COL4A4: variants seen among roughly 807,000 people sequenced by gnomAD.
COL4A4 encodes collagen type IV alpha 4 chain, also known as collagen alpha-4(IV) chain.
In COL4A4, 105 loss-of-function variants were observed where a neutral mutation model predicts 192.9. That is an observed-to-expected ratio of 0.54 (90% CI 0.46 to 0.64). The LOEUF is 0.64. Ranked by LOEUF, COL4A4 falls within the 30% of genes least tolerant of loss-of-function variation. COL4A4 has a pLI of 0.00. For missense variants in COL4A4, 1,967 were observed against 2,169.3 expected (o/e 0.91, Z 1.85); for synonymous variants, 762 against 769.9 (o/e 0.99, Z 0.17).
intron 46 of COL4A4, among the ~76,000 whole-genome samples, chr2:227,010,032 A>C (rs956767807): frequency 1.3e-5 from 2 of 152,220 alleles, no homozygotes; most frequent in Non-Finnish European, 2.9e-5. Flanking sequence ...CTGAGGAAGA[A>C]TCATTTTTAT....
intron 2 of COL4A4, among the ~76,000 whole-genome samples, chr2:227,146,800 C>T (rs919174388): frequency 1.3e-5 from 2 of 152,208 alleles, no homozygotes; most frequent in South Asian, 2.1e-4. Context: ...TGCTGCATCC[C>T]GCTGGCCTCT....
the COL4A4 span, among the ~76,000 whole-genome samples, chr2:226,981,802 AC>A: frequency 6.6e-6 from 1 of 152,168 alleles, no homozygotes; most frequent in South Asian, 2.1e-4. Flanking sequence ...GCTAACTCTG[AC>A]CCACATAAGA....
chr2:227,062,453 T>G, intron 26 of COL4A4, 77 bp downstream of exon 26: 1 of 923,762 alleles, frequency 1.1e-6, no homozygotes, highest in South Asian at 1.4e-5. Context: ...GGATTCACTC[T>G]TGGTTTATCT....
chr2:226,993,177 A>G, the COL4A4 span, among the ~76,000 whole-genome samples: 2 of 152,142 alleles, frequency 1.3e-5, no homozygotes, highest in African/African-American at 4.8e-5. Context: ...AGTTCCCTTC[A>G]TGGAAATTAT....
chr2:227,043,754 G>A (rs116437302), intron 35 of COL4A4, among the ~76,000 whole-genome samples: 1,691 of 152,252 alleles, frequency 0.011, 20 homozygotes, highest in African/African-American at 0.039. Flanking sequence ...ACATCACACC[G>A]TAGTGTAATT....
chr2:227,156,091 G>C (rs2064318314), intron 1 of COL4A4, among the ~76,000 whole-genome samples: 1 of 151,840 alleles, frequency 6.6e-6, no homozygotes, highest in East Asian at 1.9e-4. Context: ...CAATACATTG[G>C]GAAAAAGCAA....
intron 40 of COL4A4, among the ~76,000 whole-genome samples, chr2:227,030,950 A>ATGGG (rs1292682294): frequency 1.3e-5 from 2 of 151,422 alleles, no homozygotes; most frequent in African/African-American, 4.8e-5. Flanking sequence ...GGATGGATGG[A>ATGGG]TGGATGGATG....
intron 5 of COL4A4, chr2:227,120,801 T>G (rs1417158718): frequency 3.5e-6 from 2 of 565,762 alleles, no homozygotes; most frequent in South Asian, 2.0e-5. Flanking sequence ...TAGCTGGACA[T>G]GGTGGTATGT....
intron 31 of COL4A4, among the ~76,000 whole-genome samples, chr2:227,054,034 A>T (rs1333296086): frequency 6.6e-6 from 1 of 152,246 alleles, no homozygotes; most frequent in Non-Finnish European, 1.5e-5. Context: ...GGTAAAACTC[A>T]AAAACAAGGT....
intron 26 of COL4A4, 61 bp downstream of exon 26, chr2:227,062,469 G>T: frequency 9.8e-7 from 1 of 1,018,202 alleles, no homozygotes; most frequent in Non-Finnish European, 1.5e-6. Context: ...TATCTGTCTG[G>T]CTGGTTTTTT....
chr2:227,064,422 C>T (rs2058168796), intron 25 of COL4A4, among the ~76,000 whole-genome samples: 1 of 152,098 alleles, frequency 6.6e-6, no homozygotes, highest in Non-Finnish European at 1.5e-5. Context: ...AAACCTAAGA[C>T]TAATTGGCAT....
chr2:226,978,880 AG>A, the COL4A4 span, among the ~76,000 whole-genome samples: 1 of 152,192 alleles, frequency 6.6e-6, no homozygotes, highest in Non-Finnish European at 1.5e-5. Flanking sequence ...AAGCTCTCCC[AG>A]CTACTGTGTG....
intron 19 of COL4A4, among the ~76,000 whole-genome samples, chr2:227,097,202 C>T (rs900252807): frequency 1.3e-5 from 2 of 152,162 alleles, no homozygotes; most frequent in African/African-American, 4.8e-5. Context: ...GGAGAATGGG[C>T]TACAGTGTGT....
At chr2:227,001,158 G>A (rs111705036), downstream of COL4A4, among the ~76,000 whole-genome samples, 2 of 151,124 alleles carry the variant, frequency 1.3e-5, no homozygotes, top group South Asian at 2.1e-4. Context: ...GCAGTGGTAC[G>A]ATCTTAGCTC....
chr2:227,027,681 A>T (rs552199511), intron 42 of COL4A4, among the ~76,000 whole-genome samples: 17 of 151,776 alleles, frequency 1.1e-4, no homozygotes, highest in Middle Eastern at 6.8e-3. Flanking sequence ...AGTAAAAAAA[A>T]ATCAACTCCT....
At chr2:227,062,186 G>A (rs910918131) in intron 26 of COL4A4, among the ~76,000 whole-genome samples, 3 of 150,380 alleles carry the variant, frequency 2.0e-5, no homozygotes, top group African/African-American at 7.4e-5. Context: ...GCAGTGAGCT[G>A]AGATCACACC....
In COL4A4 at chr2:227,102,658, G is replaced by A. The variant is rs141968459; in HGVS notation, c.930+131C>T. On this transcript the variant is annotated intron_variant, in intron 15 of 47. Coordinates refer to ENST00000396625, the MANE Select transcript of COL4A4 (RefSeq NM_000092.5). ...GATATTTAGATATTCCATAATTCTC[G>A]TCCAAAATGTTTTGTTCTTACATGA... is the stretch of plus-strand genomic sequence containing the variant. The A allele has an allele frequency of 2.9e-4, 229 of 787,746 alleles. 1 individual carries two copies. Among genetic ancestry groups the A allele is most frequent in the African/African-American group, 2.7e-3 (159 of 58,692 alleles). 48.8% of individuals were successfully genotyped at this position (787,746 alleles called of 1,614,324 possible). A position where few individuals can be genotyped will look rare whatever the true frequency, so the allele number is the denominator to read the frequency against.
intron 28 of COL4A4, among the ~76,000 whole-genome samples, chr2:227,058,092 T>C (rs1423883247): frequency 1.3e-5 from 2 of 152,240 alleles, no homozygotes; most frequent in African/African-American, 2.4e-5. Context: ...CTATGTTTTC[T>C]TTACATTTTG....
At chr2:227,037,078 A>C (rs1309275863) in intron 37 of COL4A4, among the ~76,000 whole-genome samples, 1 of 152,128 alleles carries the variant, frequency 6.6e-6, no homozygotes, top group Non-Finnish European at 1.5e-5. Context: ...CTAGGAATCA[A>C]GCCATTTTAT....
Sources: gnomAD v4.1 joint callset for allele counts (sites outside exome capture counted in the v4.1 genomes callset) on GRCh38, gnomAD v4.1.1 for gene constraint, MANE v1.5 for transcripts, NCBI Gene and HGNC (gene_info 2026-07-23, HGNC 2026-07-21) for gene names.